The following GPHN variants were observed in gnomAD, a reference collection of about 807,000 sequenced individuals.
GPHN encodes gephyrin.
A neutral mutation model predicts 95.5 loss-of-function variants in GPHN; 17 were observed. The observed-to-expected ratio is 0.18, with a 90% CI of 0.12 to 0.27. The LOEUF is 0.27. GPHN is among the 10% of genes least tolerant of loss of function. The probability of loss-of-function intolerance (pLI) is 1.00; values close to 1 mark genes in which losing one functional copy is unlikely to be tolerated. For missense variants in GPHN, 660 were observed against 978.1 expected, an observed-to-expected ratio of 0.67 and a Z score of 4.34; for synonymous variants, 320 against 322.5, an observed-to-expected ratio of 0.99 and a Z score of 0.08.
the GPHN span, chr14:67,199,207 T>C: frequency 6.2e-7 from 1 of 1,606,958 alleles, no homozygotes; most frequent in South Asian, 1.1e-5. Flanking sequence ...AAGGATAGAG[T>C]CACTGGCCAG....
the GPHN span, among the ~76,000 whole-genome samples, chr14:67,327,180 G>GA: frequency 2.6e-5 from 4 of 152,130 alleles, no homozygotes; most frequent in South Asian, 4.1e-4. Context: ...CAAAAAAAAA[G>GA]AAAAAATTTT....
chr14:67,149,463 A>C (rs906513042), intron 18 of GPHN, among the ~76,000 whole-genome samples: 2 of 152,248 alleles, frequency 1.3e-5, no homozygotes, highest in Non-Finnish European at 2.9e-5. Context: ...GTAAATATCC[A>C]TAGCTATAGC....
At chr14:67,212,207 T>C in the GPHN span, among the ~76,000 whole-genome samples, 1 of 152,160 alleles carries the variant, frequency 6.6e-6, no homozygotes, top group Non-Finnish European at 1.5e-5. Flanking sequence ...ACTTTGGACA[T>C]ATTAGTTGCT....
chr14:67,082,511 C>T (rs1408358221), intron 11 of GPHN, among the ~76,000 whole-genome samples: 6 of 152,076 alleles, frequency 3.9e-5, no homozygotes, highest in Non-Finnish European at 8.8e-5. Context: ...TATGCCAGTA[C>T]CATACTGTTT....
chr14:67,200,065 C>T, the GPHN span: 1 of 950,630 alleles, frequency 1.1e-6, no homozygotes, highest in African/African-American at 1.6e-5. Flanking sequence ...GCCACCACCC[C>T]AACCACCACC....
At chr14:66,808,465 G>A (rs2060635740) in intron 3 of GPHN, among the ~76,000 whole-genome samples, 1 of 152,188 alleles carries the variant, frequency 6.6e-6, no homozygotes, top group Non-Finnish European at 1.5e-5. Context: ...AGCTACAAGA[G>A]ATAATCATTG....
chr14:67,087,521 G>A (rs2076955847), intron 11 of GPHN, among the ~76,000 whole-genome samples: 1 of 152,118 alleles, frequency 6.6e-6, no homozygotes, highest in Non-Finnish European at 1.5e-5. Context: ...TATAGCTCCA[G>A]AATAGCTTCA....
At chr14:67,257,432 T>A in the GPHN span, among the ~76,000 whole-genome samples, 3 of 152,318 alleles carry the variant, frequency 2.0e-5, no homozygotes, top group Middle Eastern at 3.4e-3. Context: ...AGTTCCCAGC[T>A]TGACTTTTCC....
At chr14:67,007,085 T>A (rs1409008900) in intron 9 of GPHN, among the ~76,000 whole-genome samples, 1 of 152,224 alleles carries the variant, frequency 6.6e-6, no homozygotes, top group Non-Finnish European at 1.5e-5. Flanking sequence ...ACAATCAGCA[T>A]CCTTTATTAG....
chr14:67,222,177 T>C, the GPHN span, among the ~76,000 whole-genome samples: 6 of 152,196 alleles, frequency 3.9e-5, 1 homozygote, highest in East Asian at 7.7e-4. Context: ...TGCTGATATA[T>C]AACGGGAATG....
chr14:67,721,383 A>G, the GPHN span, among the ~76,000 whole-genome samples: 1 of 152,144 alleles, frequency 6.6e-6, no homozygotes, highest in African/African-American at 2.4e-5. Context: ...CCTCCCGAGT[A>G]GCTAGGATTA....
intron 9 of GPHN, chr14:66,996,096 A>G: frequency 1.1e-6 from 1 of 876,938 alleles, no homozygotes; most frequent in Non-Finnish European, 1.8e-6. Flanking sequence ...TTGGTGATGG[A>G]GCCATCTAAA....
chr14:67,448,776 A>G, the GPHN span, among the ~76,000 whole-genome samples: 2 of 152,186 alleles, frequency 1.3e-5, no homozygotes, highest in Non-Finnish European at 2.9e-5. Context: ...AATCCATTAG[A>G]ACAGACTGGA....
chr14:66,975,287 C>G (rs1403800913), intron 9 of GPHN, among the ~76,000 whole-genome samples: 1 of 152,186 alleles, frequency 6.6e-6, no homozygotes, highest in African/African-American at 2.4e-5. Context: ...GGAGTCATCT[C>G]TTAATCAAAC....
At chr14:67,255,018 G>A in the GPHN span, among the ~76,000 whole-genome samples, 2 of 152,062 alleles carry the variant, frequency 1.3e-5, no homozygotes, top group East Asian at 1.9e-4. Context: ...GTGTGGTGGC[G>A]CACGCCTGTA....
At chr14:67,015,434 C>G (rs902513666) in intron 9 of GPHN, among the ~76,000 whole-genome samples, 1 of 152,152 alleles carries the variant, frequency 6.6e-6, no homozygotes, top group Non-Finnish European at 1.5e-5. Flanking sequence ...CGCTGTGGCT[C>G]AAGCCTGTAA....
the GPHN span, chr14:67,345,623 T>C: frequency 1.8e-6 from 1 of 558,374 alleles, no homozygotes; most frequent in Non-Finnish European, 3.2e-6. Context: ...ACTTCAGAAA[T>C]CAAAATATTA....
chr14:67,223,436 A>C, the GPHN span, among the ~76,000 whole-genome samples: 1 of 152,252 alleles, frequency 6.6e-6, no homozygotes, highest in East Asian at 1.9e-4. Context: ...AGAGGAGGGC[A>C]TGATTCGCTG....
At chr14:66,934,313 A>G (rs2066987302) in intron 8 of GPHN, among the ~76,000 whole-genome samples, 1 of 152,208 alleles carries the variant, frequency 6.6e-6, no homozygotes, top group Non-Finnish European at 1.5e-5. Context: ...TGCAAAATTA[A>G]TCAGCTTGCT....
Sources: gnomAD v4.1 joint callset for allele counts (sites outside exome capture counted in the v4.1 genomes callset) on GRCh38, gnomAD v4.1.1 for gene constraint, MANE v1.5 for transcripts, NCBI Gene and HGNC (gene_info 2026-07-23, HGNC 2026-07-21) for gene names.